Variants in SCCPDH observed in about 807,000 individuals in gnomAD.
SCCPDH encodes the protein saccharopine dehydrogenase-like oxidoreductase.
A neutral mutation model predicts 51.5 loss-of-function variants in SCCPDH; 34 were observed. The ratio of observed to expected loss-of-function variants is 0.66; its 90% CI spans 0.50 to 0.88. SCCPDH has a LOEUF of 0.88. Among genes scored for constraint, SCCPDH ranks in the 40% least tolerant of loss-of-function variants. The pLI is 0.00. For synonymous variants in SCCPDH, 187 were observed against 191.3 expected (o/e 0.98, Z 0.19); for missense variants, 464 against 527.1 (o/e 0.88, Z 1.17).
intron 2 of SCCPDH, among the ~76,000 whole-genome samples, chr1:246,730,617 G>T (rs1218717269): frequency 6.6e-6 from 1 of 152,220 alleles, no homozygotes; most frequent in Non-Finnish European, 1.5e-5. Flanking sequence ...ATGTCTCGTA[G>T]TCAGTCCATA....
chr1:246,759,178 T>TA (rs1668976837), intron 7 of SCCPDH, 27 bp downstream of exon 7: 1 of 1,190,832 alleles, frequency 8.4e-7, no homozygotes, highest in Non-Finnish European at 1.3e-6. Context: ...TATTTATCAA[T>TA]AAAGTGTGTG....
At chr1:246,729,151 C>G (rs184251745) in intron 2 of SCCPDH, among the ~76,000 whole-genome samples, 82 of 152,264 alleles carry the variant, frequency 5.4e-4, no homozygotes, top group Middle Eastern at 3.4e-3. Context: ...ATGCAAATGG[C>G]AGAGCAAGAT....
chr1:246,725,324 A>G (rs1003928682), intron 1 of SCCPDH, among the ~76,000 whole-genome samples: 1 of 152,042 alleles, frequency 6.6e-6, no homozygotes, highest in Non-Finnish European at 1.5e-5. Context: ...CTAAGCATTG[A>G]AGGAGCATAT....
intron 5 of SCCPDH, among the ~76,000 whole-genome samples, chr1:246,744,475 C>G (rs186839188): frequency 6.6e-6 from 1 of 151,968 alleles, no homozygotes; most frequent in Admixed American, 6.6e-5. Flanking sequence ...TGTACCACCA[C>G]GCCCGGCTAT....
At chr1:246,732,076 G>T (rs1323363445) in intron 2 of SCCPDH, among the ~76,000 whole-genome samples, 1 of 150,768 alleles carries the variant, frequency 6.6e-6, no homozygotes, top group Non-Finnish European at 1.5e-5. Flanking sequence ...GTATTCCATG[G>T]TGTATATGTG....
intron 5 of SCCPDH, among the ~76,000 whole-genome samples, chr1:246,749,815 A>G (rs994331388): frequency 6.6e-6 from 1 of 152,098 alleles, no homozygotes; most frequent in African/African-American, 2.4e-5. Context: ...GTCTGAGGAG[A>G]GCTAGGAAGG....
At chr1:246,737,719 G>A (rs1307790313) in intron 3 of SCCPDH, among the ~76,000 whole-genome samples, 1 of 151,916 alleles carries the variant, frequency 6.6e-6, no homozygotes, top group Non-Finnish European at 1.5e-5. Context: ...AACCTCCTGA[G>A]TAGCTGGGGG....
intron 2 of SCCPDH, among the ~76,000 whole-genome samples, chr1:246,731,804 G>T (rs919930104): frequency 6.6e-6 from 1 of 152,120 alleles, no homozygotes; most frequent in South Asian, 2.1e-4. Context: ...ATGCTGGCCT[G>T]CTGCACCCAT....
intron 4 of SCCPDH, among the ~76,000 whole-genome samples, chr1:246,743,666 A>G (rs1668713570): frequency 6.6e-6 from 1 of 151,986 alleles, no homozygotes; most frequent in African/African-American, 2.4e-5. Flanking sequence ...CCAGCCTCAT[A>G]GATCTATTTG....
intron 5 of SCCPDH, among the ~76,000 whole-genome samples, chr1:246,754,620 A>C (rs1668903227): frequency 6.6e-6 from 1 of 152,214 alleles, no homozygotes; most frequent in African/African-American, 2.4e-5. Flanking sequence ...GCGAGTGAGC[A>C]ATTCCTGTCC....
chr1:246,733,367 G>A (rs979326540), intron 2 of SCCPDH, among the ~76,000 whole-genome samples: 5 of 151,610 alleles, frequency 3.3e-5, no homozygotes, highest in African/African-American at 9.7e-5. Context: ...GATTACAGAC[G>A]TGAGCCACTG....
intron 5 of SCCPDH, among the ~76,000 whole-genome samples, chr1:246,756,515 G>A (rs1276362153): frequency 2.0e-5 from 3 of 152,164 alleles, no homozygotes; most frequent in Non-Finnish European, 4.4e-5. Flanking sequence ...TAAATTGAAT[G>A]TAATTTTTTC....
chr1:246,732,549 A>T (rs1253608853), intron 2 of SCCPDH, among the ~76,000 whole-genome samples: 1 of 152,078 alleles, frequency 6.6e-6, no homozygotes, highest in African/African-American at 2.4e-5. Context: ...CGCCACACCT[A>T]GCTAATTTTT....
chr1:246,741,008 C>T (rs1668667871), intron 4 of SCCPDH, among the ~76,000 whole-genome samples: 1 of 152,036 alleles, frequency 6.6e-6, no homozygotes, highest in Admixed American at 6.6e-5. Flanking sequence ...CACTTGAACC[C>T]AGGAGTTTGA....
chr1:246,724,578 G>A lies in SCCPDH; in HGVS notation c.156G>A (p.Leu52=), dbSNP rs1354527579. ...WAVAGRSREK[L]QRVLEKAALK... ...TGGCGGGCCGCTCCCGGGAGAAGCTGCAGCGGGTGCTGGAGAAGGCGGCCC... is the reference window on the plus strand; with the variant it reads ...TGGCGGGCCGCTCCCGGGAGAAGCTACAGCGGGTGCTGGAGAAGGCGGCCC... The change falls in exon 1 of 12, where the codon CTG becomes CTA. Residue 52 remains leucine, a synonymous_variant. Coordinates refer to ENST00000366510, the MANE Select transcript of SCCPDH (RefSeq NM_016002.3). 2 of 1,524,362 alleles carry A rather than the reference G, an allele frequency of 1.3e-6. No individual in the cohort carries two copies. The highest frequency in any genetic ancestry group is 1.8e-6 in the Non-Finnish European group (2 of 1,138,602). 94.4% of individuals were successfully genotyped at this position (1,524,362 alleles called of 1,614,324 possible). A position where few individuals can be genotyped will look rare whatever the true frequency, so the allele number is the denominator to read the frequency against.
chr1:246,760,153 G>A lies in SCCPDH; in HGVS notation c.934-18G>A. 1 of 1,578,742 alleles carries A rather than the reference G, an allele frequency of 6.3e-7. No homozygotes were observed. Among genetic ancestry groups the A allele is most frequent in the Non-Finnish European group, 8.6e-7 (1 of 1,161,578 alleles). ...GAGTTTTAAAAAAATATCACTGACGGTTTTTTTTTCCCTTTAGTTCCCATG... is the reference window on the plus strand; with the variant it reads ...GAGTTTTAAAAAAATATCACTGACGATTTTTTTTTCCCTTTAGTTCCCATG... On this transcript the variant is annotated intron_variant, in intron 8 of 11. Coordinates refer to ENST00000366510, the MANE Select transcript of SCCPDH (RefSeq NM_016002.3).
chr1:246,744,163 A>T, intron 5 of SCCPDH, 38 bp downstream of exon 5: 1 of 1,257,646 alleles, frequency 8.0e-7, no homozygotes, highest in South Asian at 1.4e-5. Context: ...TTTCAAGTTA[A>T]TATTAAAAAT....
chr1:246,743,978 G>T (rs1383583560), intron 4 of SCCPDH, 98 bp from the exon 5 acceptor site: 2 of 690,376 alleles, frequency 2.9e-6, no homozygotes, highest in Admixed American at 5.1e-5. Context: ...GCTTAGAAAA[G>T]CTAGTCCCTA....
chr1:246,751,655 AGAC>A (rs1668852122), intron 5 of SCCPDH, among the ~76,000 whole-genome samples: 1 of 152,216 alleles, frequency 6.6e-6, no homozygotes, highest in South Asian at 2.1e-4. Flanking sequence ...CGACTTTCAC[AGAC>A]GACCTTTGAC....
Sources: allele counts gnomAD v4.1 joint callset (sites outside exome capture counted in the v4.1 genomes callset), GRCh38; gene constraint gnomAD v4.1.1; transcripts MANE v1.5; gene names NCBI Gene and HGNC (gene_info 2026-07-23, HGNC 2026-07-21).